Variants in MARK3 observed in about 807,000 individuals in gnomAD.
MARK3 encodes MAP/microtubule affinity-regulating kinase 3.
MARK3 carries 46 observed loss-of-function variants against 90.1 expected under a neutral mutation model. That is an observed-to-expected ratio of 0.51 (90% CI 0.40 to 0.65). The LOEUF (loss-of-function observed/expected upper bound fraction) is 0.65, where lower values mean the gene tolerates loss of function less well. Ranked by LOEUF, MARK3 falls within the 30% of genes least tolerant of loss-of-function variation. The pLI, the probability that MARK3 is intolerant of heterozygous loss-of-function variation, is 0.00. For synonymous variants in MARK3, 321 were observed against 332.6 expected (o/e 0.97, Z 0.38); for missense variants, 818 against 947.2 (o/e 0.86, Z 1.79).
intron 12 of MARK3, among the ~76,000 whole-genome samples, chr14:103,472,724 C>T (rs138754249): frequency 6.7e-6 from 1 of 149,296 alleles, no homozygotes; most frequent in East Asian, 2.0e-4. Flanking sequence ...TAAAAAGGAA[C>T]AGGCTGGGCG....
intron 6 of MARK3, 105 bp from the exon 7 acceptor site, chr14:103,462,300 G>T: frequency 1.4e-6 from 1 of 701,538 alleles, no homozygotes; most frequent in East Asian, 2.7e-5. Context: ...ACGGACATTC[G>T]AGCGTATACT....
chr14:103,490,221 G>A (rs1381648369), intron 14 of MARK3: 1 of 152,180 alleles, frequency 6.6e-6, no homozygotes. Flanking sequence ...AGGCTGAGGT[G>A]GGAGAACCAC....
intron 2 of MARK3, chr14:103,412,534 C>G: frequency 1.8e-6 from 1 of 563,410 alleles, no homozygotes; most frequent in Non-Finnish European, 3.2e-6. Flanking sequence ...ATATCCGTGG[C>G]CTTGGTCTCG....
chr14:103,414,420 G>C (rs1025724211), intron 2 of MARK3, among the ~76,000 whole-genome samples: 3 of 152,106 alleles, frequency 2.0e-5, no homozygotes, highest in Non-Finnish European at 4.4e-5. Flanking sequence ...GGTCAGGCTG[G>C]TCTTGAACTC....
intron 3 of MARK3, among the ~76,000 whole-genome samples, chr14:103,441,098 T>G (rs953270674): frequency 6.6e-6 from 1 of 152,148 alleles, no homozygotes; most frequent in Non-Finnish European, 1.5e-5. Context: ...TTTTTCTTAG[T>G]TATTTTAGGA....
At chr14:103,410,131 C>T (rs1475949446) in intron 2 of MARK3, among the ~76,000 whole-genome samples, 2 of 152,166 alleles carry the variant, frequency 1.3e-5, no homozygotes, top group Non-Finnish European at 2.9e-5. Context: ...GTTTTTGCTG[C>T]TGTAACACAA....
chr14:103,426,804 C>T (rs923186180), intron 2 of MARK3, among the ~76,000 whole-genome samples: 2 of 152,044 alleles, frequency 1.3e-5, no homozygotes, highest in African/African-American at 4.8e-5. Context: ...CTGCTGTTGC[C>T]GCTCTGTATA....
chr14:103,447,923 C>G (rs1288579060), intron 3 of MARK3, among the ~76,000 whole-genome samples: 1 of 152,138 alleles, frequency 6.6e-6, no homozygotes, highest in Non-Finnish European at 1.5e-5. Context: ...CAGACACATG[C>G]TACTGCACCC....
intron 1 of MARK3, among the ~76,000 whole-genome samples, chr14:103,395,033 G>A (rs2090493032): frequency 1.3e-5 from 2 of 152,142 alleles, no homozygotes; most frequent in African/African-American, 4.8e-5. Flanking sequence ...ACCTGCCTCG[G>A]CCTCCCAAAG....
At chr14:103,421,873 A>G (rs1430888216) in intron 2 of MARK3, among the ~76,000 whole-genome samples, 2 of 152,170 alleles carry the variant, frequency 1.3e-5, no homozygotes, top group Admixed American at 1.3e-4. Flanking sequence ...TGTCCTCATT[A>G]TGGTTATGAA....
At chr14:103,481,043 G>C (rs146513769) in intron 14 of MARK3, among the ~76,000 whole-genome samples, 12 of 152,186 alleles carry the variant, frequency 7.9e-5, no homozygotes, top group Admixed American at 6.5e-4. Context: ...TAGGATGAGC[G>C]TGACTTTAAA....
intron 12 of MARK3, chr14:103,469,129 A>G (rs1439523274): frequency 1.3e-5 from 2 of 151,934 alleles, no homozygotes; most frequent in Admixed American, 6.6e-5. Flanking sequence ...GAACTGAGGA[A>G]ATGATTTTTA....
At chr14:103,411,546 C>T (rs1188992956) in intron 2 of MARK3, among the ~76,000 whole-genome samples, 2 of 152,118 alleles carry the variant, frequency 1.3e-5, no homozygotes, top group Non-Finnish European at 2.9e-5. Context: ...TATACCCATA[C>T]TGTGGTGTTT....
rs750152795 is a variant in MARK3, at chr14:103,451,957, A to G, written c.386A>G (p.Tyr129Cys). 2.5e-6 allele frequency: 4 copies of G among 1,612,012 alleles called. No homozygotes were observed. The highest frequency in any genetic ancestry group is 4.5e-5 in the East Asian group (2 of 44,856). Residue 129 changes from tyrosine to cysteine, a missense_variant, in exon 5 of 18, where the codon TAC becomes TGC. Tyr to Cys is a radical substitution (Grantham distance 194). Coordinates refer to ENST00000429436, the MANE Select transcript of MARK3 (RefSeq NM_001128918.3). ...GTCATTGAAACTGAAAAAACACTCT[A>G]CCTAATCATGGAATATGCAAGTGGA... ...FEVIETEKTL[Y>C]LIMEYASGGE...
intron 7 of MARK3, among the ~76,000 whole-genome samples, chr14:103,465,027 G>A (rs1242342577): frequency 1.3e-5 from 2 of 152,148 alleles, no homozygotes; most frequent in African/African-American, 2.4e-5. Flanking sequence ...GAGTGCAGTG[G>A]CACGATCTTG....
intron 2 of MARK3, among the ~76,000 whole-genome samples, chr14:103,414,502 G>C (rs757140808): frequency 1.4e-4 from 11 of 78,440 alleles, no homozygotes; most frequent in Admixed American, 5.9e-4. Context: ...ACCACACCCA[G>C]CTACTTAGTA....
Position 103,492,014 on chromosome 14 carries a change from A to T in MARK3, c.1824A>T (p.Leu608Phe), listed in dbSNP as rs762979045. Residue 608 changes from leucine (L) to phenylalanine (F), a missense_variant, in exon 15 of 18, where the codon TTA becomes TTT. Physicochemically the swap from Leu to Phe is conservative, Grantham distance 22. Coordinates refer to ENST00000429436, the MANE Select transcript of MARK3 (RefSeq NM_001128918.3). ...GCTCCACTAATCTCTTTAGTAAATT[A>T]ACTTCAAAACTCACAAGGAGGTAAG... ...SRGSTNLFSK[L>F]TSKLTRRNMS... 2 of 1,614,198 alleles carry T rather than the reference A, an allele frequency of 1.2e-6. No individual in the cohort carries two copies. Among genetic ancestry groups the T allele is most frequent in the Non-Finnish European group, 8.5e-7 (1 of 1,180,034 alleles).
At chr14:103,427,103 A>G (rs1433468142) in intron 2 of MARK3, among the ~76,000 whole-genome samples, 2 of 150,696 alleles carry the variant, frequency 1.3e-5, no homozygotes, top group East Asian at 3.9e-4. Flanking sequence ...CCCCTTGTCT[A>G]TAAGTAACTT....
intron 2 of MARK3, among the ~76,000 whole-genome samples, chr14:103,415,790 A>G (rs1277366783): frequency 1.3e-5 from 2 of 152,198 alleles, no homozygotes; most frequent in Non-Finnish European, 2.9e-5. Context: ...AGTCAAATAT[A>G]CTAAAAAGTT....
Sources: allele counts gnomAD v4.1 joint callset (sites outside exome capture counted in the v4.1 genomes callset), GRCh38; gene constraint gnomAD v4.1.1; transcripts MANE v1.5; gene names NCBI Gene and HGNC (gene_info 2026-07-23, HGNC 2026-07-21).